The following PSTPIP2 variants were observed in gnomAD, a reference collection of about 807,000 sequenced individuals.
The protein encoded by PSTPIP2 is proline-serine-threonine phosphatase-interacting protein 2.
In PSTPIP2, 33 loss-of-function variants were observed where a neutral mutation model predicts 63.3. That is an observed-to-expected ratio of 0.52 (90% CI 0.40 to 0.70). PSTPIP2 has a LOEUF of 0.70. Among genes scored for constraint, PSTPIP2 ranks in the 30% least tolerant of loss-of-function variants. The pLI, the probability that PSTPIP2 is intolerant of heterozygous loss-of-function variation, is 0.00. For synonymous variants in PSTPIP2, 125 were observed against 132.7 expected (o/e 0.94, Z 0.40); for missense variants, 312 against 400.7 (o/e 0.78, Z 1.89).
chr18:46,042,228 T>A (rs891013570), intron 1 of PSTPIP2, among the ~76,000 whole-genome samples: 2 of 152,168 alleles, frequency 1.3e-5, no homozygotes, highest in African/African-American at 4.8e-5. Flanking sequence ...AAAAAACAGC[T>A]TCCACCAAAG....
chr18:46,023,931 C>T lies in PSTPIP2; in HGVS notation c.212+678G>A, dbSNP rs137952018. On this transcript the variant is annotated intron_variant, in intron 3 of 14. Transcript: ENST00000409746. Reference sequence around the variant, plus strand: ...AATATATATAATATAGCCCTACCTACGAAAAGGTGTACATATAAAAAACTT... The same window carrying T: ...AATATATATAATATAGCCCTACCTATGAAAAGGTGTACATATAAAAAACTT... Among the ~76,000 whole-genome samples, 561 of 151,666 alleles carry T rather than the reference C, an allele frequency of 3.7e-3. 7 individuals are homozygous for T. The highest frequency in any genetic ancestry group is 0.012 in the African/African-American group (501 of 41,356).
rs80010913 is a variant in PSTPIP2, at chr18:46,031,737, T to A, written c.135-7051A>T. Among the ~76,000 whole-genome samples the A allele has an allele frequency of 9.4e-3, 1,436 of 152,338 alleles. 29 individuals are homozygous for A. Among genetic ancestry groups the A allele is most frequent in the African/African-American group, 0.032 (1,334 of 41,584 alleles). ...ATTAAGATTTCTTTAGACTCTTTTGTTGTTTCCAAGATAAGAAGTCACTCA... is the reference window on the plus strand; with the variant it reads ...ATTAAGATTTCTTTAGACTCTTTTGATGTTTCCAAGATAAGAAGTCACTCA... On this transcript the variant is annotated intron_variant, in intron 2 of 14. Transcript: ENST00000409746.
At chr18:46,014,911 T>A (rs934376163) in intron 4 of PSTPIP2, among the ~76,000 whole-genome samples, 2 of 152,054 alleles carry the variant, frequency 1.3e-5, no homozygotes, top group African/African-American at 2.4e-5. Context: ...CATGTAAAAG[T>A]GATAGCTGGT....
chr18:46,036,221 G>A (rs565259338), intron 2 of PSTPIP2, among the ~76,000 whole-genome samples: 1 of 150,756 alleles, frequency 6.6e-6, no homozygotes, highest in Non-Finnish European at 1.5e-5. Context: ...AACAATTATT[G>A]TAACAATGTA....
Position 45,991,969 on chromosome 18 carries a change from C to G in PSTPIP2, c.853G>C (p.Glu285Gln). The part of the protein sequence containing the change: ...GQIPPAPIMY[E>Q]NFYSSQKNAV... ...TTCTTCTGGGAGGAGTAGAAATTCT[C>G]ATACATGATGGGTGCTAGGAGAGTC... is the stretch of plus-strand genomic sequence containing the variant. Residue 285 changes from glutamate to glutamine, a missense_variant, in exon 12 of 15, where the codon GAG becomes CAG. Coordinates refer to ENST00000409746, the MANE Select transcript of PSTPIP2 (RefSeq NM_024430.4). 1 of 1,613,418 alleles carries G rather than the reference C, an allele frequency of 6.2e-7. No homozygotes were observed. The highest frequency in any genetic ancestry group is 1.7e-5 in the Admixed American group (1 of 60,000).
At chr18:46,065,085 A>G (rs1393484181) in intron 1 of PSTPIP2, among the ~76,000 whole-genome samples, 1 of 146,794 alleles carries the variant, frequency 6.8e-6, no homozygotes, top group African/African-American at 2.5e-5. Flanking sequence ...CGGAGGTTAC[A>G]GTGAGCCGAG....
At chr18:46,038,596 A>G (rs1312127982) in intron 2 of PSTPIP2, among the ~76,000 whole-genome samples, 2 of 152,244 alleles carry the variant, frequency 1.3e-5, no homozygotes, top group Non-Finnish European at 2.9e-5. Flanking sequence ...GCCCACTGCC[A>G]GTGTTTGTAA....
At chr18:45,985,685 A>G (rs1019727050) in intron 14 of PSTPIP2, among the ~76,000 whole-genome samples, 1 of 152,190 alleles carries the variant, frequency 6.6e-6, no homozygotes, top group African/African-American at 2.4e-5. Flanking sequence ...TTTTTAATCT[A>G]TCTTTACCTA....
At chr18:46,064,282 CTTTTTTTTT>C (rs56236802) in intron 1 of PSTPIP2, among the ~76,000 whole-genome samples, 3 of 71,526 alleles carry the variant, frequency 4.2e-5, no homozygotes, top group African/African-American at 6.5e-5. Context: ...CTTTTTCTTT[CTTTTTTTTT>C]TTTTTTTTTT....
chr18:46,028,349 A>G, intron 2 of PSTPIP2: 3 of 482,380 alleles, frequency 6.2e-6, no homozygotes, highest in South Asian at 5.1e-5. Context: ...GAGCCGCCCC[A>G]AAAGGCTGCC....
Position 46,019,070 on chromosome 18 carries a change from G to C in PSTPIP2, c.213-3133C>G, listed in dbSNP as rs188221843. Among the ~76,000 whole-genome samples, 560 of 151,672 alleles carry C rather than the reference G, an allele frequency of 3.7e-3. 6 individuals are homozygous for C. The highest frequency in any genetic ancestry group is 0.012 in the African/African-American group (507 of 41,292). On this transcript the variant is annotated intron_variant, in intron 3 of 14. Coordinates refer to ENST00000409746, the MANE Select transcript of PSTPIP2 (RefSeq NM_024430.4). ...TCCCCCAACCTACACTTCCTTAAGC[G>C]AACTCCCTCGGAGGTGCCTTGGCCC...
At chr18:46,018,854 C>T (rs1004705255) in intron 3 of PSTPIP2, among the ~76,000 whole-genome samples, 7 of 152,120 alleles carry the variant, frequency 4.6e-5, no homozygotes, top group African/African-American at 9.7e-5. Flanking sequence ...AGCATAGCCA[C>T]GTATTTATTT....
chr18:46,039,924 G>A, intron 2 of PSTPIP2, 23 bp downstream of exon 2: 1 of 1,580,920 alleles, frequency 6.3e-7, no homozygotes, highest in Non-Finnish European at 8.7e-7. Flanking sequence ...ACCCTCTTCA[G>A]AGAGGACAGA....
At chr18:46,017,718 T>C (rs555588869) in intron 3 of PSTPIP2, among the ~76,000 whole-genome samples, 1 of 152,338 alleles carries the variant, frequency 6.6e-6, no homozygotes, top group South Asian at 2.1e-4. Context: ...AATGGTTCAA[T>C]AGAGCAAAGT....
intron 1 of PSTPIP2, among the ~76,000 whole-genome samples, chr18:46,045,452 A>C (rs1908349318): frequency 6.6e-6 from 1 of 151,968 alleles, no homozygotes. Context: ...ACAGGTGGGA[A>C]TTGAACAATG....
intron 3 of PSTPIP2, among the ~76,000 whole-genome samples, chr18:46,017,819 A>G (rs1440547903): frequency 1.3e-5 from 2 of 152,148 alleles, no homozygotes; most frequent in Admixed American, 1.3e-4. Flanking sequence ...ATAATACATT[A>G]TTATTACAGT....
intron 14 of PSTPIP2, 92 bp downstream of exon 14, chr18:45,988,610 T>G: frequency 9.0e-7 from 1 of 1,114,964 alleles, no homozygotes; most frequent in Non-Finnish European, 1.4e-6. Context: ...CTTGCTAGTT[T>G]GTGGTAGTGT....
chr18:46,041,755 C>T (rs1908203237), intron 1 of PSTPIP2, among the ~76,000 whole-genome samples: 1 of 152,128 alleles, frequency 6.6e-6, no homozygotes, highest in African/African-American at 2.4e-5. Flanking sequence ...TGAATGCATA[C>T]AATGGGTTGT....
At chr18:46,039,804 C>T (rs1908123307) in intron 2 of PSTPIP2, 143 bp downstream of exon 2, 1 of 699,788 alleles carries the variant, frequency 1.4e-6, no homozygotes, top group South Asian at 1.7e-5. Context: ...GTATCATGTA[C>T]TTCTCAGGTA....
Sources: allele counts gnomAD v4.1 joint callset (sites outside exome capture counted in the v4.1 genomes callset), GRCh38; gene constraint gnomAD v4.1.1; transcripts MANE v1.5; gene names NCBI Gene and HGNC (gene_info 2026-07-23, HGNC 2026-07-21).